MAF: variants seen among roughly 807,000 people sequenced by gnomAD.
The protein encoded by MAF is MAF bZIP transcription factor, also known as transcription factor Maf.
Under a neutral mutation model 22.0 loss-of-function variants are expected in MAF, and 10 were observed. The ratio of observed to expected loss-of-function variants is 0.45; its 90% CI spans 0.28 to 0.77. The LOEUF is 0.77. Among genes scored for constraint, MAF ranks in the 30% least tolerant of loss-of-function variants. The probability of loss-of-function intolerance (pLI) is 0.12; values close to 1 mark genes in which losing one functional copy is unlikely to be tolerated. For synonymous variants in MAF, 337 were observed against 255.8 expected (o/e 1.32, Z -3.03); for missense variants, 544 against 548.4 (o/e 0.99, Z 0.08).
At chr16:79,514,611 T>C in the MAF span, among the ~76,000 whole-genome samples, 3 of 152,140 alleles carry the variant, frequency 2.0e-5, no homozygotes, top group African/African-American at 2.4e-5. Context: ...TAGGCTGTAG[T>C]GGCAGAAAAA....
the MAF span, among the ~76,000 whole-genome samples, chr16:79,219,768 C>A: frequency 3.3e-5 from 5 of 152,026 alleles, no homozygotes; most frequent in East Asian, 7.7e-4. Flanking sequence ...AGACTTCATT[C>A]CTACCGTGCT....
chr16:79,508,596 C>A, the MAF span, among the ~76,000 whole-genome samples: 1 of 152,224 alleles, frequency 6.6e-6, no homozygotes. Flanking sequence ...TATGCCGTTT[C>A]CAGCCAGGGC....
chr16:79,558,843 C>G, the MAF span, among the ~76,000 whole-genome samples: 1 of 152,150 alleles, frequency 6.6e-6, no homozygotes, highest in African/African-American at 2.4e-5. Context: ...AATAGGGGCT[C>G]CTGATTCTTT....
chr16:79,392,695 G>C, the MAF span, among the ~76,000 whole-genome samples: 3 of 152,130 alleles, frequency 2.0e-5, no homozygotes, highest in South Asian at 2.1e-4. Flanking sequence ...GTGAGACTTA[G>C]AGCACATGTG....
chr16:79,480,583 A>G, the MAF span, among the ~76,000 whole-genome samples: 1 of 152,112 alleles, frequency 6.6e-6, no homozygotes, highest in African/African-American at 2.4e-5. Flanking sequence ...GGTACCTGGC[A>G]TTCAGATGTT....
chr16:79,538,931 A>G, the MAF span, among the ~76,000 whole-genome samples: 2 of 152,198 alleles, frequency 1.3e-5, no homozygotes, highest in Non-Finnish European at 2.9e-5. Context: ...CCAGGAAAAT[A>G]CAAACACTCT....
chr16:79,555,700 G>A, the MAF span, among the ~76,000 whole-genome samples: 1 of 152,160 alleles, frequency 6.6e-6, no homozygotes, highest in African/African-American at 2.4e-5. Context: ...TCAGATTAGG[G>A]ATACTCAGTC....
At chr16:79,323,146 C>G in the MAF span, among the ~76,000 whole-genome samples, 1 of 17,766 alleles carries the variant, frequency 5.6e-5, no homozygotes, top group Non-Finnish European at 1.1e-4. Context: ...GAGACTCCAT[C>G]TAAAAAAAAA....
chr16:79,215,299 C>G, the MAF span, among the ~76,000 whole-genome samples: 1 of 152,100 alleles, frequency 6.6e-6, no homozygotes, highest in Non-Finnish European at 1.5e-5. Context: ...CCAGGCTAGT[C>G]TGGAACTCCT....
the MAF span, among the ~76,000 whole-genome samples, chr16:79,338,300 G>T: frequency 3.9e-5 from 6 of 152,200 alleles, no homozygotes; most frequent in African/African-American, 1.4e-4. Flanking sequence ...CTAAATCACA[G>T]ATGACTTTAT....
At chr16:79,532,605 A>T in the MAF span, among the ~76,000 whole-genome samples, 1 of 152,204 alleles carries the variant, frequency 6.6e-6, no homozygotes, top group African/African-American at 2.4e-5. Flanking sequence ...AAAGTATTGA[A>T]ATAAAGTATT....
chr16:79,402,883 C>T, the MAF span, among the ~76,000 whole-genome samples: 5 of 152,214 alleles, frequency 3.3e-5, no homozygotes, highest in African/African-American at 1.2e-4. Flanking sequence ...AACCCACATC[C>T]TTCAGCTGAG....
the MAF span, among the ~76,000 whole-genome samples, chr16:79,410,261 T>C: frequency 6.6e-6 from 1 of 152,268 alleles, no homozygotes; most frequent in Non-Finnish European, 1.5e-5. Flanking sequence ...CTGGAATCTC[T>C]GTGAATCTGT....
At chr16:79,314,720 T>C in the MAF span, among the ~76,000 whole-genome samples, 1 of 152,170 alleles carries the variant, frequency 6.6e-6, no homozygotes, top group Admixed American at 6.5e-5. Context: ...TGTTTTGTCA[T>C]TGCTTAAGGG....
the MAF span, among the ~76,000 whole-genome samples, chr16:79,240,487 G>GAA: frequency 8.7e-4 from 53 of 60,718 alleles, 10 homozygotes; most frequent in East Asian, 5.2e-3. Flanking sequence ...AGCATCTCTG[G>GAA]AAAAAAAAAA....
the MAF span, among the ~76,000 whole-genome samples, chr16:79,520,976 A>T: frequency 6.6e-6 from 1 of 152,212 alleles, no homozygotes; most frequent in Admixed American, 6.5e-5. Context: ...AGGCTCAGAG[A>T]GTTCAAGTAA....
the MAF span, among the ~76,000 whole-genome samples, chr16:79,507,817 C>T: frequency 2.0e-5 from 3 of 152,156 alleles, no homozygotes; most frequent in African/African-American, 7.2e-5. Flanking sequence ...GCCAAATATC[C>T]CATTTTCTCT....
At chr16:79,443,909 G>GC in the MAF span, among the ~76,000 whole-genome samples, 1 of 149,044 alleles carries the variant, frequency 6.7e-6, no homozygotes, top group African/African-American at 2.5e-5. Context: ...ACTTGTGGTT[G>GC]TTTTTTTTTT....
chr16:79,432,162 C>CA, the MAF span, among the ~76,000 whole-genome samples: 2 of 152,132 alleles, frequency 1.3e-5, no homozygotes, highest in Non-Finnish European at 2.9e-5. Flanking sequence ...TGAGTGAGTT[C>CA]TCATGAGATC....
Sources: allele counts gnomAD v4.1 joint callset (sites outside exome capture counted in the v4.1 genomes callset), GRCh38; gene constraint gnomAD v4.1.1; transcripts MANE v1.5; gene names NCBI Gene and HGNC (gene_info 2026-07-23, HGNC 2026-07-21).